The following HAS3 variants were observed in gnomAD, a reference collection of about 807,000 sequenced individuals.
HAS3 encodes hyaluronan synthase 3.
A neutral mutation model predicts 50.3 loss-of-function variants in HAS3; 27 were observed. The ratio of observed to expected loss-of-function variants is 0.54; its 90% CI spans 0.40 to 0.74. The LOEUF is 0.74. HAS3 is among the 30% of genes least tolerant of loss of function. HAS3 has a pLI of 0.00. For missense variants in HAS3, 517 were observed against 742.8 expected, an observed-to-expected ratio of 0.70 and a Z score of 3.53; for synonymous variants, 339 against 310.9, an observed-to-expected ratio of 1.09 and a Z score of -0.95.
In HAS3 at chr16:69,106,094, G is replaced by C. The variant is rs1223299061; in HGVS notation, c.-1+307G>C. On this transcript the variant is annotated intron_variant, in intron 1 of 3. Coordinates refer to ENST00000569188, the MANE Select transcript of HAS3 (RefSeq NM_001199280.2). This position sits in a 1 kb window ranked among gnomAD's most constrained non-coding sequence, Gnocchi z 5.5. ...CTTGTGGCGCTCCCTGGGACCGCGC[G>C]GGGTCGGGGGTGCGCCCGCGGGGGC... 1.3e-5 allele frequency among the ~76,000 whole-genome samples: 2 copies of C among 152,096 alleles called. No individual in the cohort carries two copies. The highest frequency in any genetic ancestry group is 1.3e-4 in the Admixed American group (2 of 15,280).
Position 69,115,378 on chromosome 16 carries a change from T to C in HAS3, c.*112T>C. 1 of 1,418,102 alleles carries C rather than the reference T, an allele frequency of 7.1e-7. No homozygotes were observed. The highest frequency in any genetic ancestry group is 9.2e-7 in the Non-Finnish European group (1 of 1,090,746). 87.8% of individuals were successfully genotyped at this position (1,418,102 alleles called of 1,614,324 possible). A position where few individuals can be genotyped will look rare whatever the true frequency, so the allele number is the denominator to read the frequency against. ...GGAGTGCTGTGTTTTAGTCTCTTAATGGTCCAAAGGACAAATCTAAAATGC... is the reference window on the plus strand; with the variant it reads ...GGAGTGCTGTGTTTTAGTCTCTTAACGGTCCAAAGGACAAATCTAAAATGC... On this transcript the variant is annotated 3_prime_UTR_variant, in exon 4 of 4. Transcript: ENST00000569188.
At position 69,107,565 on chromosome 16, in the gene HAS3, TG is replaced by T; in HGVS notation, c.-1+1780del. 1 of 984,346 alleles carries T rather than the reference TG, an allele frequency of 1.0e-6. No individual in the cohort carries two copies. The highest frequency in any genetic ancestry group is 1.2e-6 in the Non-Finnish European group (1 of 828,924). The allele number at this position is 984,346 out of a possible 1,614,324, so 61.0% of individuals were successfully genotyped here. A position where few individuals can be genotyped will look rare whatever the true frequency, so the allele number is the denominator to read the frequency against. On this transcript the variant is annotated intron_variant, in intron 1 of 3. Coordinates refer to ENST00000569188, the MANE Select transcript of HAS3 (RefSeq NM_001199280.2). The surrounding 1 kb of genome is among the most constrained non-coding windows in gnomAD (Gnocchi z 5.5). ...GAGTGCGTTCGCGGCTGCTTTGACC[TG>T]GTGGGCGCCGCCTCCGGCACTGCAC...
the HAS3 span, among the ~76,000 whole-genome samples, chr16:69,095,667 T>C: frequency 1.3e-5 from 2 of 152,050 alleles, no homozygotes; most frequent in Non-Finnish European, 2.9e-5. Flanking sequence ...AATCACTACA[T>C]TGGCTTATCT....
chr16:69,103,412 T>G (rs1319787560), upstream of HAS3, among the ~76,000 whole-genome samples: 2 of 152,168 alleles, frequency 1.3e-5, no homozygotes, highest in African/African-American at 4.8e-5. Flanking sequence ...TTCTTTCTTT[T>G]GAGATGGAGT....
chr16:69,098,662 ATTTT>A, the HAS3 span, among the ~76,000 whole-genome samples: 9 of 98,194 alleles, frequency 9.2e-5, no homozygotes, highest in African/African-American at 3.3e-4. Flanking sequence ...ATCAAACCTG[ATTTT>A]TTTTTTTTTT....
In HAS3 at chr16:69,114,450, T is replaced by C. The variant is rs1961112061; in HGVS notation, c.846T>C (p.Cys282=). 3 of 1,613,876 alleles carry C rather than the reference T, an allele frequency of 1.9e-6. No individual in the cohort carries two copies. Among genetic ancestry groups the C allele is most frequent in the Non-Finnish European group, 2.5e-6 (3 of 1,179,976 alleles). The change falls in exon 4 of 4, where the codon TGT becomes TGC. Residue 282 remains cysteine (C), a synonymous_variant. Transcript: ENST00000569188. The surrounding 1 kb of genome is among the most constrained non-coding windows in gnomAD (Gnocchi z 6.4). ...AGTCCTACTTTGGCTGTGTGCAGTGTATTAGTGGGCCCTTGGGCATGTACC... is the reference window on the plus strand; with the variant it reads ...AGTCCTACTTTGGCTGTGTGCAGTGCATTAGTGGGCCCTTGGGCATGTACC... ...ACQSYFGCVQ[C]ISGPLGMYRN...
chr16:69,112,578 T>C (rs1464799428), intron 2 of HAS3, among the ~76,000 whole-genome samples: 1 of 152,204 alleles, frequency 6.6e-6, no homozygotes, highest in Non-Finnish European at 1.5e-5. Flanking sequence ...GTGGATCTCT[T>C]TGTTGCTCTC....
At position 69,109,696 on chromosome 16, in the gene HAS3, T is replaced by C. The variant is rs761744921; in HGVS notation, c.301T>C (p.Leu101=). 4 of 1,610,566 alleles carry C rather than the reference T, an allele frequency of 2.5e-6. No individual in the cohort carries two copies. Among genetic ancestry groups the C allele is most frequent in the Admixed American group, 3.3e-5 (2 of 60,026 alleles). ...CGCATACCAGGAGGACCCTGACTAC[T>C]TGCGCAAGTGCCTGCGCTCGGCCCA... ...IAAYQEDPDY[L]RKCLRSAQRI... Residue 101 remains leucine, a synonymous_variant, in exon 2 of 4, where the codon TTG becomes CTG. Transcript: ENST00000569188. This position sits in a 1 kb window ranked among gnomAD's most constrained non-coding sequence, Gnocchi z 5.3.
At chr16:69,118,168 A>AATT (rs1404983888), downstream of HAS3, 6 of 572,182 alleles carry the variant, frequency 1.0e-5, no homozygotes, top group Non-Finnish European at 1.9e-5. Flanking sequence ...CATCAGTTTA[A>AATT]ATTTTGAGGT....
In HAS3 at chr16:69,114,278, G is replaced by C; in HGVS notation, c.739-65G>C. On this transcript the variant is annotated intron_variant, in intron 3 of 3. Coordinates refer to ENST00000569188, the MANE Select transcript of HAS3 (RefSeq NM_001199280.2). The surrounding 1 kb of genome is among the most constrained non-coding windows in gnomAD (Gnocchi z 6.4). ...AGAAGCCATGGTAAGGAGGCCTCGT[G>C]GTCTCTGATGTCTGTCCTCCGGACG... The C allele has an allele frequency of 6.6e-7, 1 of 1,513,778 alleles. No individual in the cohort carries two copies. Among genetic ancestry groups the C allele is most frequent in the Non-Finnish European group, 8.8e-7 (1 of 1,137,798 alleles). The allele number at this position is 1,513,778 out of a possible 1,614,324, so 93.8% of individuals were successfully genotyped here. A position where few individuals can be genotyped will look rare whatever the true frequency, so the allele number is the denominator to read the frequency against.
In HAS3 at chr16:69,109,645, C is replaced by T. The variant is rs755615312; in HGVS notation, c.250C>T (p.Arg84Trp). ...GGCCCTGAAGCTGCCCTCCCCGCGG[C>T]GGGGCTCGGTGGCACTGTGCATTGC... ...GQALKLPSPR[R>W]GSVALCIAAY... Residue 84 changes from arginine to tryptophan, a missense_variant, in exon 2 of 4, where the codon CGG (arginine) becomes TGG (tryptophan). Arg to Trp is a moderately radical substitution (Grantham distance 101, BLOSUM62 -3). Coordinates refer to ENST00000569188, the MANE Select transcript of HAS3 (RefSeq NM_001199280.2). This position sits in a 1 kb window ranked among gnomAD's most constrained non-coding sequence, Gnocchi z 5.3. The T allele has an allele frequency of 4.7e-5, 75 of 1,610,002 alleles. No individual in the cohort carries two copies. The highest frequency in any genetic ancestry group is 5.2e-5 in the Non-Finnish European group (61 of 1,179,598).
At position 69,115,833 on chromosome 16, in the gene HAS3, T is replaced by G; in HGVS notation, c.*567T>G. On this transcript the variant is annotated 3_prime_UTR_variant, in exon 4 of 4. Transcript: ENST00000569188. Reference sequence around the variant, plus strand: ...GAAAACAGGGTCCAGGAATGGTGCTTTATGTGAGATACCCCACTCCACATC... The same window carrying G: ...GAAAACAGGGTCCAGGAATGGTGCTGTATGTGAGATACCCCACTCCACATC... 1.0e-6 allele frequency: 1 copy of G among 985,822 alleles called. No individual in the cohort carries two copies. Among genetic ancestry groups the G allele is most frequent in the South Asian group, 4.7e-5 (1 of 21,276 alleles). 61.1% of individuals were successfully genotyped at this position (985,822 alleles called of 1,614,324 possible). A position where few individuals can be genotyped will look rare whatever the true frequency, so the allele number is the denominator to read the frequency against.
chr16:69,095,702 G>A, the HAS3 span, among the ~76,000 whole-genome samples: 11 of 151,994 alleles, frequency 7.2e-5, no homozygotes, highest in Non-Finnish European at 1.5e-4. Flanking sequence ...ATCAGGGAGT[G>A]GGGGTCCTAG....
upstream of HAS3, among the ~76,000 whole-genome samples, chr16:69,104,635 A>T (rs948126070): frequency 2.2e-4 from 34 of 152,026 alleles, no homozygotes; most frequent in Non-Finnish European, 4.7e-4. Flanking sequence ...AGACGGGGGA[A>T]GTCTCGCTTT....
At chr16:69,102,709 T>G (rs1016875852), upstream of HAS3, among the ~76,000 whole-genome samples, 7 of 152,168 alleles carry the variant, frequency 4.6e-5, no homozygotes, top group Non-Finnish European at 7.3e-5. Flanking sequence ...CTCGTGAGGT[T>G]GTGCTGAACC....
rs1377988470 is a variant in HAS3, at chr16:69,105,794, A to G, written c.-1+7A>G. ...AGCTCGCCTTCCTTGCAGGGTGAGT[A>G]GGTTTTGCGGGTTAGAGAGCGGGGC... On this transcript the variant is annotated splice_region_variant and intron_variant, in intron 1 of 3. Transcript: ENST00000569188. 6.6e-6 allele frequency: 1 copy of G among 152,020 alleles called. No homozygotes were observed. Among genetic ancestry groups the G allele is most frequent in the African/African-American group, 2.4e-5 (1 of 41,394 alleles). The allele number at this position is 152,020 out of a possible 1,614,324, so 9.4% of individuals were successfully genotyped here.
chr16:69,086,526 G>T, the HAS3 span, among the ~76,000 whole-genome samples: 1 of 138,294 alleles, frequency 7.2e-6, no homozygotes, highest in Non-Finnish European at 1.5e-5. Flanking sequence ...TATATTATGT[G>T]TGTGTGTGTG....
the HAS3 span, among the ~76,000 whole-genome samples, chr16:69,086,765 G>A: frequency 6.6e-6 from 1 of 152,142 alleles, no homozygotes; most frequent in Non-Finnish European, 1.5e-5. Context: ...TTAGCTGGGT[G>A]TGGTGGCGCA....
the HAS3 span, chr16:69,083,869 A>G: frequency 1.9e-6 from 1 of 517,566 alleles, no homozygotes; most frequent in African/African-American, 1.9e-5. Flanking sequence ...AGGGGTGTAC[A>G]GTTAAGAGAA....
Sources: gnomAD v4.1 joint callset for allele counts (sites outside exome capture counted in the v4.1 genomes callset) on GRCh38, gnomAD v4.1.1 for gene constraint, Gnocchi (gnomAD v3.1) non-coding constraint, MANE v1.5 for transcripts, NCBI Gene and HGNC (gene_info 2026-07-23, HGNC 2026-07-21) for gene names.